The following EXOC3 variants were observed in gnomAD, a reference collection of about 807,000 sequenced individuals.
EXOC3 encodes SEC6-like 1.
A neutral mutation model predicts 73.7 loss-of-function variants in EXOC3; 21 were observed. The ratio of observed to expected loss-of-function variants is 0.29; its 90% CI spans 0.20 to 0.41. EXOC3 has a LOEUF of 0.41. Ranked by LOEUF, EXOC3 falls within the 10% of genes least tolerant of loss-of-function variation. The pLI is 1.00. For synonymous variants in EXOC3, 410 were observed against 389.1 expected, an observed-to-expected ratio of 1.05 and a Z score of -0.63; for missense variants, 842 against 985.1, an observed-to-expected ratio of 0.85 and a Z score of 1.95.
At chr5:443,767 C>G (rs1466316353) in intron 1 of EXOC3, among the ~76,000 whole-genome samples, 1 of 143,988 alleles carries the variant, frequency 6.9e-6, no homozygotes, top group Non-Finnish European at 1.5e-5. Flanking sequence ...CCCTCCCAGG[C>G]ACAAGTGTAC....
chr5:458,063 A>G, intron 6 of EXOC3, 38 bp downstream of exon 6: 1 of 1,601,370 alleles, frequency 6.2e-7, no homozygotes, highest in Non-Finnish European at 8.5e-7. Context: ...TCCGTTTCCT[A>G]GGTGGATAGT....
At chr5:461,873 T>G (rs1427798817) in intron 7 of EXOC3, 87 bp from the exon 8 acceptor site, 1 of 857,886 alleles carries the variant, frequency 1.2e-6, no homozygotes, top group Non-Finnish European at 1.9e-6. Context: ...GATGTGAAAT[T>G]TCAGGCCAGG....
rs1278187106 is a variant in EXOC3, at chr5:457,799, G to T, written c.1165-101G>T. 4 of 1,305,402 alleles carry T rather than the reference G, an allele frequency of 3.1e-6. No individual in the cohort carries two copies. The Admixed American group carries it at 8.8e-5, about 29-fold the overall frequency. 80.9% of individuals were successfully genotyped at this position (1,305,402 alleles called of 1,614,324 possible). ...AAGAGGACGCTGGTGCCCTGTGTCT[G>T]GTTTGTGGAGCTTGTGCATGCAACT... On this transcript the variant is annotated intron_variant, in intron 5 of 12. Coordinates refer to ENST00000512944, the MANE Select transcript of EXOC3 (RefSeq NM_007277.5).
intron 11 of EXOC3, 52 bp downstream of exon 11, chr5:465,324 G>A (rs1738110743): frequency 6.5e-7 from 1 of 1,539,642 alleles, no homozygotes; most frequent in African/African-American, 1.4e-5. Context: ...CCGCGGCCCT[G>A]TTCAGCCTCC....
At chr5:465,295 CT>C in intron 11 of EXOC3, 23 bp downstream of exon 11, 1 of 1,563,448 alleles carries the variant, frequency 6.4e-7, no homozygotes, top group East Asian at 2.4e-5. Flanking sequence ...CAGGTCCGGG[CT>C]GGAGAAGGCC....
chr5:466,123 G>C (rs1313061145), intron 12 of EXOC3: 2 of 353,140 alleles, frequency 5.7e-6, no homozygotes, highest in Non-Finnish European at 1.1e-5. Flanking sequence ...CAGCTCTGCT[G>C]TGTGTGGTGG....
At chr5:458,130 G>A (rs1186696897) in intron 6 of EXOC3, 105 bp downstream of exon 6, 5 of 1,250,766 alleles carry the variant, frequency 4.0e-6, no homozygotes, top group African/African-American at 3.0e-5. Flanking sequence ...TCCACAGAGT[G>A]TAGTAAAAAT....
chr5:443,840 A>C (rs1247803662), intron 1 of EXOC3, among the ~76,000 whole-genome samples: 1 of 151,538 alleles, frequency 6.6e-6, no homozygotes, highest in Admixed American at 6.6e-5. Context: ...TTCCTGGCAC[A>C]GGTGTCCCCC....
At chr5:448,602 G>A (rs1233903279) in intron 3 of EXOC3, among the ~76,000 whole-genome samples, 1 of 152,050 alleles carries the variant, frequency 6.6e-6, no homozygotes, top group Non-Finnish European at 1.5e-5. Flanking sequence ...ATCCCCAGCC[G>A]TCACGTGCCC....
chr5:464,420 G>GGT lies in EXOC3; in HGVS notation c.1776+10_1776+11dup, dbSNP rs1560940930. 4 of 1,612,900 alleles carry GGT rather than the reference G, an allele frequency of 2.5e-6. No individual in the cohort carries two copies. Among genetic ancestry groups the GGT allele is most frequent in the Non-Finnish European group, 2.5e-6 (3 of 1,179,242 alleles). On this transcript the variant is annotated intron_variant, in intron 10 of 12. Coordinates refer to ENST00000512944, the MANE Select transcript of EXOC3 (RefSeq NM_007277.5). ...AAAAAGCCGTATAAGAAGGTAAGAA[G>GGT]GTGGGACCTAGTTCCCTCATCACCT...
intron 11 of EXOC3, 102 bp from the exon 12 acceptor site, chr5:465,616 A>G: frequency 1.4e-6 from 2 of 1,433,068 alleles, no homozygotes; most frequent in Non-Finnish European, 1.9e-6. Context: ...AGTCAGGTGA[A>G]GAGGGAGGTT....
intron 9 of EXOC3, among the ~76,000 whole-genome samples, 153 bp from the exon 10 acceptor site, chr5:464,137 C>G (rs1464654511): frequency 6.6e-6 from 1 of 151,572 alleles, no homozygotes; most frequent in South Asian, 2.1e-4. Flanking sequence ...GCACGCAGCT[C>G]TCGTGGGGCG....
rs781439269 is a variant in EXOC3 at position 467,198 on chromosome 5, CCCT to C, written c.*309_*311del. ...GGCACAGAGGACGTGCACCTCCCTG[CCCT>C]CCTCCTCCCTGGGCCTTCACCGCAC... is the stretch of plus-strand genomic sequence containing the variant. On this transcript the variant is annotated 3_prime_UTR_variant, in exon 13 of 13. Coordinates refer to ENST00000512944, the MANE Select transcript of EXOC3 (RefSeq NM_007277.5). 1.7e-5 allele frequency: 6 copies of C among 363,510 alleles called. No individual in the cohort carries two copies. Among genetic ancestry groups the C allele is most frequent in the Admixed American group, 4.3e-5 (1 of 23,470 alleles). 22.5% of individuals were successfully genotyped at this position (363,510 alleles called of 1,614,324 possible). A position where few individuals can be genotyped will look rare whatever the true frequency, so the allele number is the denominator to read the frequency against.
chr5:457,224 T>C, intron 5 of EXOC3: 1 of 560,976 alleles, frequency 1.8e-6, no homozygotes, highest in Non-Finnish European at 3.2e-6. Flanking sequence ...GCTTGTCCTC[T>C]GCTGGAGACG....
intron 1 of EXOC3, among the ~76,000 whole-genome samples, chr5:445,389 G>C (rs1390823645): frequency 7.3e-6 from 1 of 137,926 alleles, no homozygotes. Context: ...TCGCTCTGTC[G>C]CCCAGGCTGG....
chr5:443,528 A>G (rs1199270142), intron 1 of EXOC3, among the ~76,000 whole-genome samples: 2 of 149,516 alleles, frequency 1.3e-5, no homozygotes, highest in Admixed American at 1.3e-4. Context: ...TCCCCTTGGC[A>G]CATGTGTCCC....
chr5:455,509 C>T (rs1360748002), intron 4 of EXOC3, among the ~76,000 whole-genome samples: 1 of 152,194 alleles, frequency 6.6e-6, no homozygotes, highest in Non-Finnish European at 1.5e-5. Context: ...TACTTTTTCA[C>T]TTAGGAAGCT....
At chr5:459,233 T>C (rs1164872892) in intron 6 of EXOC3, 126 bp from the exon 7 acceptor site, 4 of 413,562 alleles carry the variant, frequency 9.7e-6, no homozygotes, top group Non-Finnish European at 1.7e-5. Context: ...TTCATTTTTT[T>C]TTTCTCTGAA....
intron 3 of EXOC3, 137 bp downstream of exon 3, chr5:447,889 G>A (rs147104914): frequency 1.6e-4 from 104 of 636,622 alleles, no homozygotes; most frequent in African/African-American, 1.6e-3. Flanking sequence ...TCTGCTCAGC[G>A]TCTTTTTTTG....
Sources: gnomAD v4.1 joint callset for allele counts (sites outside exome capture counted in the v4.1 genomes callset) on GRCh38, gnomAD v4.1.1 for gene constraint, MANE v1.5 for transcripts, NCBI Gene and HGNC (gene_info 2026-07-23, HGNC 2026-07-21) for gene names.